PAPPA2: variants seen among roughly 807,000 people sequenced by gnomAD.
PAPPA2 encodes the protein pappalysin 2.
In PAPPA2, 86 loss-of-function variants were observed where a neutral mutation model predicts 176.4. The ratio of observed to expected loss-of-function variants is 0.49; its 90% CI spans 0.41 to 0.58. PAPPA2 has a LOEUF of 0.58. Among genes scored for constraint, PAPPA2 ranks in the 20% least tolerant of loss-of-function variants. The pLI, the probability that PAPPA2 is intolerant of heterozygous loss-of-function variation, is 0.00. For missense variants in PAPPA2, 2,073 were observed against 2,256.9 expected, an observed-to-expected ratio of 0.92 and a Z score of 1.65; for synonymous variants, 809 against 852.2, an observed-to-expected ratio of 0.95 and a Z score of 0.88.
intron 14 of PAPPA2, among the ~76,000 whole-genome samples, chr1:176,748,876 G>A (rs1558559627): frequency 6.6e-6 from 1 of 152,106 alleles, no homozygotes; most frequent in Admixed American, 6.5e-5. Context: ...GTTTGTGTAA[G>A]TACACTCTTT....
chr1:176,660,322 T>C (rs1319778713), intron 3 of PAPPA2, among the ~76,000 whole-genome samples: 1 of 135,650 alleles, frequency 7.4e-6, no homozygotes, highest in African/African-American at 3.1e-5. Context: ...TGCTGTATTT[T>C]AGTAATTGTT....
intron 9 of PAPPA2, 49 bp downstream of exon 9, chr1:176,702,784 A>T (rs145968507): frequency 0.026 from 31,467 of 1,208,900 alleles, 88 homozygotes; most frequent in South Asian, 0.054. Context: ...TGTGAGAGAG[A>T]GAGAGAGAGA....
chr1:176,795,679 T>C (rs938939542), intron 20 of PAPPA2, among the ~76,000 whole-genome samples: 4 of 152,200 alleles, frequency 2.6e-5, no homozygotes, highest in Non-Finnish European at 5.9e-5. Flanking sequence ...TGACATCTCA[T>C]TTCCCCTATT....
rs1667612923 is a variant in PAPPA2 at position 176,844,962 on chromosome 1, T to C, written c.*2508T>C. On this transcript the variant is annotated 3_prime_UTR_variant, in exon 23 of 23. Coordinates refer to ENST00000367662, the MANE Select transcript of PAPPA2 (RefSeq NM_020318.3). ...TGGGAAAGCAAAAGGAAAGTTCCTG[T>C]TGTGTGTGAAGAGCCTCTTAGGCTA... 6.6e-6 allele frequency: 1 copy of C among 152,184 alleles called. No homozygotes were observed. The highest frequency in any genetic ancestry group is 1.5e-5 in the Non-Finnish European group (1 of 68,030). The allele number at this position is 152,184 out of a possible 1,614,324, so 9.4% of individuals were successfully genotyped here.
intron 1 of PAPPA2, among the ~76,000 whole-genome samples, chr1:176,508,862 C>T (rs1436757475): frequency 6.6e-6 from 1 of 152,016 alleles, no homozygotes; most frequent in East Asian, 1.9e-4. Context: ...TCATCTTCTG[C>T]CATGATCATA....
At chr1:176,611,525 C>T (rs1183129194) in intron 3 of PAPPA2, among the ~76,000 whole-genome samples, 1 of 152,200 alleles carries the variant, frequency 6.6e-6, no homozygotes, top group African/African-American at 2.4e-5. Flanking sequence ...AAGTCATCAT[C>T]CCTAATTCTG....
chr1:176,717,355 CA>C (rs1226573598), intron 12 of PAPPA2, among the ~76,000 whole-genome samples: 1 of 152,170 alleles, frequency 6.6e-6, no homozygotes, highest in Non-Finnish European at 1.5e-5. Flanking sequence ...AATGCCATGG[CA>C]GCATGCTATG....
chr1:176,498,141 C>T (rs140460448), intron 1 of PAPPA2, among the ~76,000 whole-genome samples: 13 of 152,226 alleles, frequency 8.5e-5, no homozygotes, highest in African/African-American at 2.6e-4. Context: ...CTAAAGTTAC[C>T]GTTTTTTCTT....
intron 3 of PAPPA2, among the ~76,000 whole-genome samples, chr1:176,670,545 A>T (rs1658933425): frequency 6.6e-6 from 1 of 152,182 alleles, no homozygotes; most frequent in Admixed American, 6.5e-5. Context: ...ACTGGAAAAG[A>T]GATTGAACTG....
chr1:176,803,733 T>C (rs1665781558), intron 21 of PAPPA2, among the ~76,000 whole-genome samples: 1 of 152,214 alleles, frequency 6.6e-6, no homozygotes, highest in South Asian at 2.1e-4. Context: ...ACAGGGTTCT[T>C]TCTATTGTGT....
intron 21 of PAPPA2, among the ~76,000 whole-genome samples, chr1:176,801,897 T>C (rs866343650): frequency 1.3e-5 from 2 of 152,082 alleles, no homozygotes; most frequent in African/African-American, 4.8e-5. Flanking sequence ...ATCCAGAGCT[T>C]CCTAGGCTGT....
chr1:176,736,921 C>T (rs200491971), intron 12 of PAPPA2, among the ~76,000 whole-genome samples: 8 of 151,972 alleles, frequency 5.3e-5, no homozygotes, highest in East Asian at 1.9e-4. Flanking sequence ...CACATTTCTA[C>T]AAGTATCAAC....
chr1:176,635,819 A>AT (rs948393866), intron 3 of PAPPA2, among the ~76,000 whole-genome samples: 2 of 151,968 alleles, frequency 1.3e-5, no homozygotes, highest in East Asian at 1.9e-4. Flanking sequence ...GAGAATGAAC[A>AT]TTTTTTTGTG....
intron 1 of PAPPA2, among the ~76,000 whole-genome samples, chr1:176,525,602 A>G (rs1649457961): frequency 6.6e-6 from 1 of 152,216 alleles, no homozygotes; most frequent in Non-Finnish European, 1.5e-5. Context: ...TGTAATTTTG[A>G]AAATTTCCTC....
At chr1:176,753,479 TC>T (rs1490375837) in intron 14 of PAPPA2, among the ~76,000 whole-genome samples, 1 of 151,874 alleles carries the variant, frequency 6.6e-6, no homozygotes, top group African/African-American at 2.4e-5. Context: ...CCAGCCTTCT[TC>T]TTCCTCTGCT....
At chr1:176,817,178 G>A (rs1666440191) in intron 21 of PAPPA2, among the ~76,000 whole-genome samples, 1 of 152,094 alleles carries the variant, frequency 6.6e-6, no homozygotes, top group African/African-American at 2.4e-5. Flanking sequence ...TCATAACAAA[G>A]TAGCACTCAC....
chr1:176,842,643 T>G lies in PAPPA2; in HGVS notation c.*189T>G. 1 of 581,148 alleles carries G rather than the reference T, an allele frequency of 1.7e-6. No homozygotes were observed. The highest frequency in any genetic ancestry group is 2.2e-5 in the South Asian group (1 of 45,556). The allele number at this position is 581,148 out of a possible 1,614,324, so 36.0% of individuals were successfully genotyped here. ...GAACTAGTTCATCAAGTAGCCCAAGTAGGAGAGAATCATAGGCAAAAGTTT... is the reference window on the plus strand; with the variant it reads ...GAACTAGTTCATCAAGTAGCCCAAGGAGGAGAGAATCATAGGCAAAAGTTT... On this transcript the variant is annotated 3_prime_UTR_variant, in exon 23 of 23. Coordinates refer to ENST00000367662, the MANE Select transcript of PAPPA2 (RefSeq NM_020318.3).
chr1:176,842,246 T>C, intron 22 of PAPPA2, 134 bp from the exon 23 acceptor site: 1 of 773,862 alleles, frequency 1.3e-6, no homozygotes, highest in South Asian at 1.7e-5. Context: ...AAACTGCGTG[T>C]TAATTTCCAG....
chr1:176,710,286 G>A, intron 11 of PAPPA2, 110 bp downstream of exon 11: 1 of 975,500 alleles, frequency 1.0e-6, no homozygotes, highest in Non-Finnish European at 1.5e-6. Context: ...GAAGTAAGGA[G>A]TTAGAAGCCC....
Sources: allele counts gnomAD v4.1 joint callset (sites outside exome capture counted in the v4.1 genomes callset), GRCh38; gene constraint gnomAD v4.1.1; transcripts MANE v1.5; gene names NCBI Gene and HGNC (gene_info 2026-07-23, HGNC 2026-07-21).